DLGAP1: variants seen among roughly 807,000 people sequenced by gnomAD.
The protein encoded by DLGAP1 is disks large-associated protein 1.
Under a neutral mutation model 90.8 loss-of-function variants are expected in DLGAP1, and 11 were observed. The observed-to-expected ratio is 0.12, with a 90% CI of 0.08 to 0.20. The LOEUF (loss-of-function observed/expected upper bound fraction) is 0.20. Among genes scored for constraint, DLGAP1 ranks in the 10% least tolerant of loss-of-function variants. The pLI is 1.00. For missense variants in DLGAP1, 1,050 were observed against 1,333.8 expected, an observed-to-expected ratio of 0.79 and a Z score of 3.31; for synonymous variants, 558 against 540.7, an observed-to-expected ratio of 1.03 and a Z score of -0.44.
At chr18:4,271,241 C>CTT (rs2079273906) in intron 1 of DLGAP1, among the ~76,000 whole-genome samples, 1 of 152,102 alleles carries the variant, frequency 6.6e-6, no homozygotes, top group African/African-American at 2.4e-5. Context: ...GGCCCCAGGA[C>CTT]CAATATTTTT....
At chr18:4,087,308 A>G (rs7506388) in intron 2 of DLGAP1, among the ~76,000 whole-genome samples, 89,508 of 151,238 alleles carry the variant, frequency 0.59, 27,186 homozygotes, top group Non-Finnish European at 0.64. Flanking sequence ...TGACATGCTT[A>G]TGATGGCCTT....
rs1344079758 is a variant in DLGAP1 at position 3,801,824 on chromosome 18, G to T, written c.1172+12235C>A. On this transcript the variant is annotated intron_variant, in intron 5 of 12. Transcript: ENST00000315677. Reference sequence around the variant, plus strand: ...CACCCAGAAAGCCTCTTCACGAGAAGAATGACTGCTGAGATGTTAGAAGAT... The same window carrying T: ...CACCCAGAAAGCCTCTTCACGAGAATAATGACTGCTGAGATGTTAGAAGAT... Among the ~76,000 whole-genome samples, 5 of 152,126 alleles carry T rather than the reference G, an allele frequency of 3.3e-5. No individual in the cohort carries two copies. The East Asian group carries it at 9.6e-4, about 29-fold the overall frequency.
chr18:4,189,611 C>G (rs573482529), intron 1 of DLGAP1, among the ~76,000 whole-genome samples: 5 of 152,066 alleles, frequency 3.3e-5, no homozygotes, highest in Non-Finnish European at 5.9e-5. Context: ...ATATAAACAA[C>G]CAATTCCTAA....
rs1044527760 is a variant in DLGAP1, at chr18:3,913,646, C to G, written c.-72-33506G>C. On this transcript the variant is annotated intron_variant, in intron 3 of 12. Coordinates refer to ENST00000315677, the MANE Select transcript of DLGAP1 (RefSeq NM_004746.4). The stretch of plus-strand genomic sequence containing the variant: ...TAAAATTTCAGAATAGATCAAATCT[C>G]AGCTGACGGAAGCAAAATATCTGAT... Among the ~76,000 whole-genome samples, 7 of 152,312 alleles carry G rather than the reference C, an allele frequency of 4.6e-5. No individual in the cohort carries two copies. The East Asian group carries it at 1.2e-3, about 25-fold the overall frequency.
At chr18:3,669,887 T>C (rs2060025637) in intron 7 of DLGAP1, among the ~76,000 whole-genome samples, 2 of 152,100 alleles carry the variant, frequency 1.3e-5, no homozygotes, top group African/African-American at 4.8e-5. Context: ...AAGAACACCC[T>C]GCGACACACG....
At chr18:3,970,418 C>A (rs145799204) in intron 3 of DLGAP1, among the ~76,000 whole-genome samples, 1 of 152,222 alleles carries the variant, frequency 6.6e-6, no homozygotes, top group African/African-American at 2.4e-5. Flanking sequence ...TAATAAAAAG[C>A]TCTCCAAAGA....
rs189901158 is a variant in DLGAP1 at position 3,523,644 on chromosome 18, G to A, written c.2479+10550C>T. ...GGGCGGATCACGAGGTCAGGAGATC[G>A]AGACCATCCTGGCTAACACGGTGAA... On this transcript the variant is annotated intron_variant, in intron 10 of 12. Transcript: ENST00000315677. 8.5e-3 allele frequency among the ~76,000 whole-genome samples: 1,288 copies of A among 151,756 alleles called. 16 individuals are homozygous for A. Among genetic ancestry groups the A allele is most frequent in the Middle Eastern group, 0.042 (12 of 288 alleles).
At chr18:3,974,724 T>A (rs2073533246) in intron 3 of DLGAP1, among the ~76,000 whole-genome samples, 1 of 152,036 alleles carries the variant, frequency 6.6e-6, no homozygotes, top group African/African-American at 2.4e-5. Flanking sequence ...AAAGGAGGTT[T>A]TAGGTGATTG....
chr18:4,105,595 A>T (rs2075845226), intron 2 of DLGAP1, among the ~76,000 whole-genome samples: 1 of 152,242 alleles, frequency 6.6e-6, no homozygotes, highest in African/African-American at 2.4e-5. Context: ...ATAACCTTTG[A>T]ACTTTTGGGT....
rs533556707 is a variant in DLGAP1 at position 4,139,249 on chromosome 18, G to A, written c.-159+11931C>T. Among the ~76,000 whole-genome samples the A allele has an allele frequency of 5.9e-5, 9 of 151,846 alleles. No homozygotes were observed. The East Asian group carries it at 1.7e-3, about 29-fold the overall frequency. On this transcript the variant is annotated intron_variant, in intron 2 of 12. Coordinates refer to ENST00000315677, the MANE Select transcript of DLGAP1 (RefSeq NM_004746.4). ...GTAGTTTTTTCTACTTTTTAATGTA[G>A]GCATTTATAGCTATAAACTTTCCTT...
intron 4 of DLGAP1, chr18:3,878,295 G>T (rs1400304604): frequency 6.6e-6 from 1 of 152,002 alleles, no homozygotes; most frequent in African/African-American, 2.4e-5. Flanking sequence ...CAAGGAGGTA[G>T]GGAAGAAAAA....
chr18:4,359,504 C>G (rs979669805), intron 1 of DLGAP1, among the ~76,000 whole-genome samples: 5 of 152,174 alleles, frequency 3.3e-5, no homozygotes, highest in African/African-American at 1.2e-4. Context: ...CTTACAAGTA[C>G]ACAGGTTTTC....
At chr18:4,274,609 A>G (rs534426307) in intron 1 of DLGAP1, among the ~76,000 whole-genome samples, 1 of 152,344 alleles carries the variant, frequency 6.6e-6, no homozygotes, top group South Asian at 2.1e-4. Flanking sequence ...AAATGTCAAT[A>G]CAGGTAGATA....
At chr18:4,356,166 AT>A (rs199539345) in intron 1 of DLGAP1, among the ~76,000 whole-genome samples, 13 of 148,524 alleles carry the variant, frequency 8.8e-5, no homozygotes, top group African/African-American at 2.2e-4. Flanking sequence ...GACTCTCCCG[AT>A]TTTTTTTTTC....
intron 3 of DLGAP1, among the ~76,000 whole-genome samples, chr18:3,929,977 C>T (rs776452747): frequency 6.6e-6 from 1 of 152,208 alleles, no homozygotes; most frequent in Admixed American, 6.5e-5. Flanking sequence ...TCTGCAGATA[C>T]ATGGTGCTAG....
At chr18:3,666,176 G>C (rs1256692226) in intron 7 of DLGAP1, among the ~76,000 whole-genome samples, 2 of 152,070 alleles carry the variant, frequency 1.3e-5, no homozygotes, top group East Asian at 3.9e-4. Flanking sequence ...GAAAGACCCA[G>C]GAAACCTTCC....
At chr18:3,676,561 A>G (rs1270891728) in intron 7 of DLGAP1, among the ~76,000 whole-genome samples, 1 of 152,154 alleles carries the variant, frequency 6.6e-6, no homozygotes, top group African/African-American at 2.4e-5. Context: ...AGCTGGCTTC[A>G]AGGTCCTACA....
intron 1 of DLGAP1, among the ~76,000 whole-genome samples, chr18:4,230,128 A>G (rs991301148): frequency 1.3e-5 from 2 of 152,164 alleles, no homozygotes; most frequent in African/African-American, 4.8e-5. Flanking sequence ...AAGACAGACA[A>G]TAACAAATGC....
At chr18:3,828,443 C>A (rs2067842478) in intron 4 of DLGAP1, among the ~76,000 whole-genome samples, 1 of 151,974 alleles carries the variant, frequency 6.6e-6, no homozygotes, top group Non-Finnish European at 1.5e-5. Flanking sequence ...TGTTTGAGAT[C>A]AGCCTGGGCA....
Sources: gnomAD v4.1 joint callset for allele counts (sites outside exome capture counted in the v4.1 genomes callset) on GRCh38, gnomAD v4.1.1 for gene constraint, MANE v1.5 for transcripts, NCBI Gene and HGNC (gene_info 2026-07-23, HGNC 2026-07-21) for gene names.